ITPRID1: variants seen among roughly 807,000 people sequenced by gnomAD.
ITPRID1 encodes ITPR interacting domain containing 1.
A neutral mutation model predicts 95.4 loss-of-function variants in ITPRID1; 96 were observed. The observed-to-expected ratio is 1.01, with a 90% CI of 0.85 to 1.19. The LOEUF is 1.19. Among genes scored for constraint, ITPRID1 ranks in the 50% most tolerant of loss-of-function variants. The pLI is 0.00. For missense variants in ITPRID1, 1,339 were observed against 1,252.9 expected (o/e 1.07, Z -1.04); for synonymous variants, 510 against 453.6 (o/e 1.12, Z -1.58).
intron 1 of ITPRID1, among the ~76,000 whole-genome samples, chr7:31,543,086 G>A (rs1303563828): frequency 1.3e-5 from 2 of 152,082 alleles, no homozygotes; most frequent in African/African-American, 4.8e-5. Context: ...TTTCCCAACT[G>A]GGTTATTGGC....
chr7:31,574,349 A>C (rs1356109121), intron 7 of ITPRID1, among the ~76,000 whole-genome samples, 191 bp from the exon 8 acceptor site: 1 of 152,160 alleles, frequency 6.6e-6, no homozygotes, highest in Non-Finnish European at 1.5e-5. Context: ...AAGTACAGGC[A>C]AGCAGTCCCT....
chr7:31,615,307 AT>A (rs1312082366), intron 10 of ITPRID1, among the ~76,000 whole-genome samples: 7 of 152,170 alleles, frequency 4.6e-5, no homozygotes, highest in African/African-American at 1.7e-4. Context: ...TACTTGTGTA[AT>A]CTACGGTAAG....
At chr7:31,595,902 T>C (rs995856666) in intron 10 of ITPRID1, among the ~76,000 whole-genome samples, 1 of 151,808 alleles carries the variant, frequency 6.6e-6, no homozygotes, top group East Asian at 1.9e-4. Context: ...AGAAAAGAAA[T>C]GTAGTCACTG....
At chr7:31,604,639 T>C (rs1562602617) in intron 10 of ITPRID1, among the ~76,000 whole-genome samples, 1 of 152,146 alleles carries the variant, frequency 6.6e-6, no homozygotes, top group African/African-American at 2.4e-5. Flanking sequence ...ATAAGCAGTC[T>C]AAACCACTAC....
intron 10 of ITPRID1, among the ~76,000 whole-genome samples, chr7:31,594,206 A>G (rs1447678075): frequency 6.6e-6 from 1 of 152,232 alleles, no homozygotes; most frequent in Non-Finnish European, 1.5e-5. Flanking sequence ...AGGCTATACC[A>G]TCTAACCTAG....
intron 1 of ITPRID1, among the ~76,000 whole-genome samples, chr7:31,542,086 T>G (rs1468005184): frequency 6.6e-6 from 1 of 152,222 alleles, no homozygotes; most frequent in African/African-American, 2.4e-5. Flanking sequence ...TATAATCTTC[T>G]TACCAAAAGT....
intron 6 of ITPRID1, among the ~76,000 whole-genome samples, 187 bp from the exon 7 acceptor site, chr7:31,571,915 A>G (rs1018874271): frequency 2.0e-5 from 3 of 152,146 alleles, no homozygotes; most frequent in African/African-American, 7.2e-5. Context: ...TCTATAATAC[A>G]ACGCTCTTGA....
intron 1 of ITPRID1, among the ~76,000 whole-genome samples, chr7:31,528,304 G>A (rs1411424541): frequency 1.3e-5 from 2 of 152,166 alleles, no homozygotes; most frequent in East Asian, 3.8e-4. Flanking sequence ...TTATTTTAAA[G>A]ATCAAGTCTA....
rs2128222513 is a variant in ITPRID1 at position 31,654,802 on chromosome 7, A to G, written c.*1973A>G. On this transcript the variant is annotated 3_prime_UTR_variant, in exon 15 of 15. Coordinates refer to ENST00000615280, the MANE Select transcript of ITPRID1 (RefSeq NM_001257967.3). ...TGAAAAGATGGTCAAAGGAGAGGTCACTTCTTAGCAAGTAACCTCAGAAAC... is the reference window on the plus strand; with the variant it reads ...TGAAAAGATGGTCAAAGGAGAGGTCGCTTCTTAGCAAGTAACCTCAGAAAC... Among the ~76,000 whole-genome samples, 1 of 152,276 alleles carries G rather than the reference A, an allele frequency of 6.6e-6. No homozygotes were observed. Among genetic ancestry groups the G allele is most frequent in the East Asian group, 1.9e-4 (1 of 5,174 alleles).
intron 10 of ITPRID1, among the ~76,000 whole-genome samples, chr7:31,629,103 A>G (rs1337665186): frequency 6.6e-6 from 1 of 152,242 alleles, no homozygotes; most frequent in Non-Finnish European, 1.5e-5. Context: ...GGAAACTTCT[A>G]TCCTTCTATT....
intron 2 of ITPRID1, among the ~76,000 whole-genome samples, chr7:31,550,452 T>A (rs534563892): frequency 3.9e-5 from 6 of 152,214 alleles, no homozygotes; most frequent in African/African-American, 1.4e-4. Flanking sequence ...ACTAGAGAAG[T>A]CTGCAGGCAG....
In ITPRID1 at chr7:31,578,037, G is replaced by T; in HGVS notation, c.773G>T (p.Arg258Met). 1 of 1,613,870 alleles carries T rather than the reference G, an allele frequency of 6.2e-7. No individual in the cohort carries two copies. Among genetic ancestry groups the T allele is most frequent in the Non-Finnish European group, 8.5e-7 (1 of 1,179,860 alleles). ...EHRRRMGKLL[R>M]RASKQNIRRD... The stretch of plus-strand genomic sequence containing the variant: ...CGAAGAAGAATGGGTAAACTCTTAA[G>T]GAGAGCTTCCAAACAGAACATCAGG... The change falls in exon 9 of 15, where the codon AGG becomes ATG. Residue 258 changes from arginine to methionine, a missense_variant. Physicochemically the swap from Arg to Met is moderately conservative, Grantham distance 91. Transcript: ENST00000615280.
intron 3 of ITPRID1, 138 bp downstream of exon 3, chr7:31,553,325 G>A (rs990309001): frequency 3.2e-5 from 25 of 793,176 alleles, no homozygotes; most frequent in African/African-American, 1.0e-4. Flanking sequence ...GCATGATGCC[G>A]GAAACATTTA....
intron 1 of ITPRID1, among the ~76,000 whole-genome samples, chr7:31,517,058 G>A (rs981900670): frequency 2.0e-5 from 3 of 152,196 alleles, no homozygotes; most frequent in Admixed American, 6.5e-5. Context: ...CAAGGAATAA[G>A]CAGCAACAAG....
At position 31,643,465 on chromosome 7, in the gene ITPRID1, C is replaced by A. The variant is rs1328245588; in HGVS notation, c.2095C>A (p.Pro699Thr). The A allele has an allele frequency of 1.2e-6, 2 of 1,614,014 alleles. No individual in the cohort carries two copies. The highest frequency in any genetic ancestry group is 3.3e-5 in the Admixed American group (2 of 60,020). Residue 699 changes from proline (P) to threonine (T), a missense_variant, in exon 12 of 15, where the codon CCT (proline) becomes ACT (threonine). Coordinates refer to ENST00000615280, the MANE Select transcript of ITPRID1 (RefSeq NM_001257967.3). ...PGTEAEMENL[P>T]LNTGSSRSVM... is the part of the protein sequence containing the mutation. ...GACAGAAGCTGAGATGGAAAACCTTCCTCTAAATACTGGCAGCTCCAGGTC... is the reference window on the plus strand; with the variant it reads ...GACAGAAGCTGAGATGGAAAACCTTACTCTAAATACTGGCAGCTCCAGGTC...
chr7:31,609,011 T>G (rs1046342115), intron 10 of ITPRID1, among the ~76,000 whole-genome samples: 26 of 151,744 alleles, frequency 1.7e-4, no homozygotes, highest in African/African-American at 5.8e-4. Flanking sequence ...CTTCCTAGTT[T>G]GTTGGGTGTT....
intron 1 of ITPRID1, among the ~76,000 whole-genome samples, chr7:31,525,826 TA>T (rs1227317008): frequency 2.0e-5 from 3 of 152,330 alleles, no homozygotes; most frequent in African/African-American, 7.2e-5. Flanking sequence ...TATTATCTAC[TA>T]AAGATTACTT....
chr7:31,627,271 A>G (rs1281439238), intron 10 of ITPRID1, among the ~76,000 whole-genome samples: 1 of 152,208 alleles, frequency 6.6e-6, no homozygotes, highest in African/African-American at 2.4e-5. Flanking sequence ...TTTTATCAAA[A>G]TTTAAAATGG....
intron 1 of ITPRID1, among the ~76,000 whole-genome samples, chr7:31,537,336 A>G (rs1002429097): frequency 1.3e-5 from 2 of 152,146 alleles, no homozygotes; most frequent in African/African-American, 4.8e-5. Flanking sequence ...TGAAAATTAT[A>G]TCATTTTATC....
Sources: gnomAD v4.1 joint callset for allele counts (sites outside exome capture counted in the v4.1 genomes callset) on GRCh38, gnomAD v4.1.1 for gene constraint, MANE v1.5 for transcripts, NCBI Gene and HGNC (gene_info 2026-07-23, HGNC 2026-07-21) for gene names.